Variants in NACC2 observed in about 807,000 individuals in gnomAD.
NACC2 encodes the protein NACC family member 2.
NACC2 carries 8 observed loss-of-function variants against 25.1 expected under a neutral mutation model. That is an observed-to-expected ratio of 0.32 (90% CI 0.19 to 0.57). The LOEUF (loss-of-function observed/expected upper bound fraction) is 0.57. Among genes scored for constraint, NACC2 ranks in the 20% least tolerant of loss-of-function variants. NACC2 has a pLI of 0.89. For synonymous variants in NACC2, 435 were observed against 294.7 expected (o/e 1.48, Z -4.88); for missense variants, 644 against 650.2 (o/e 0.99, Z 0.10).
intron 1 of NACC2, among the ~76,000 whole-genome samples, chr9:136,058,114 C>G (rs1307368799): frequency 6.6e-6 from 1 of 151,940 alleles, no homozygotes; most frequent in African/African-American, 2.4e-5. Context: ...GCGGGGGGGG[C>G]CCAATGACGC....
At chr9:136,017,926 A>G (rs1382934143) in intron 2 of NACC2, among the ~76,000 whole-genome samples, 2 of 152,160 alleles carry the variant, frequency 1.3e-5, no homozygotes, top group Non-Finnish European at 2.9e-5. Flanking sequence ...CAGGTGGGAG[A>G]GGCCCTTGGG....
intron 1 of NACC2, among the ~76,000 whole-genome samples, chr9:136,075,989 C>G (rs1007636875): frequency 3.3e-5 from 5 of 152,286 alleles, no homozygotes; most frequent in African/African-American, 1.2e-4. Context: ...GACAAAACTC[C>G]GAGACACCCG....
At chr9:136,069,582 A>AC (rs1841127308) in intron 1 of NACC2, among the ~76,000 whole-genome samples, 1 of 151,244 alleles carries the variant, frequency 6.6e-6, no homozygotes, top group Non-Finnish European at 1.5e-5. Context: ...ACAAAACAAA[A>AC]AAAACACCTC....
intron 1 of NACC2, among the ~76,000 whole-genome samples, chr9:136,060,696 G>A (rs1394893840): frequency 6.6e-6 from 1 of 152,244 alleles, no homozygotes; most frequent in Non-Finnish European, 1.5e-5. Flanking sequence ...GCTGCAGGAC[G>A]CTCCCAGGTG....
rs1448991584 is a variant in NACC2 at position 136,013,916 on chromosome 9, C to G, written c.1105G>C (p.Gly369Arg). 1.2e-6 allele frequency: 2 copies of G among 1,612,824 alleles called. No individual in the cohort carries two copies. The highest frequency in any genetic ancestry group is 8.5e-7 in the Non-Finnish European group (1 of 1,179,986). Residue 369 changes from glycine (G) to arginine (R), a missense_variant, in exon 4 of 6, where the codon GGG becomes CGG. By Grantham distance (125) the Gly-to-Arg change is moderately radical. Transcript: ENST00000277554. The surrounding 1 kb of genome is among the most constrained non-coding windows in gnomAD (Gnocchi z 6.6). ...GQLMNCHLCAGVKHKVLLRRL... is the reference protein window; with the variant it reads ...GQLMNCHLCARVKHKVLLRRL... Reference sequence around the variant, plus strand: ...CGCAGCAAGACCTTATGCTTCACCCCTGCACACAGGTGGCAGTTCATCAGC... The same window carrying G: ...CGCAGCAAGACCTTATGCTTCACCCGTGCACACAGGTGGCAGTTCATCAGC...
chr9:136,094,679 G>A (rs1830469089), intron 1 of NACC2, among the ~76,000 whole-genome samples: 1 of 152,108 alleles, frequency 6.6e-6, no homozygotes, highest in South Asian at 2.1e-4. Flanking sequence ...CACCTGGACC[G>A]GGAGGGCGAG....
At chr9:136,037,949 T>C (rs1432500737) in intron 2 of NACC2, among the ~76,000 whole-genome samples, 1 of 152,184 alleles carries the variant, frequency 6.6e-6, no homozygotes, top group Non-Finnish European at 1.5e-5. Context: ...CCTAATGTCC[T>C]TTAACCAGTG....
intron 3 of NACC2, 125 bp from the exon 4 acceptor site, chr9:136,014,094 CT>C (rs1469562869): frequency 5.7e-6 from 4 of 697,884 alleles, no homozygotes; most frequent in Non-Finnish European, 7.0e-6. Flanking sequence ...GCTTCTAGGA[CT>C]TTTTTTGGGG....
In NACC2 at chr9:136,049,856, G is replaced by A. The variant is rs773929338; in HGVS notation, c.666C>T (p.Ser222=). The A allele has an allele frequency of 3.0e-6, 2 of 668,436 alleles. No homozygotes were observed. The highest frequency in any genetic ancestry group is 2.8e-6 in the Non-Finnish European group (1 of 359,958). 41.4% of individuals were successfully genotyped at this position (668,436 alleles called of 1,614,324 possible). A position where few individuals can be genotyped will look rare whatever the true frequency, so the allele number is the denominator to read the frequency against. ...TGGCCAGGCTGGGCACCCCGTAGTA[G>A]GAGACACGGGGCAGTTTGAGAGGGG... The part of the protein sequence containing the change: ...GTAPLKLPRV[S]YYGVPSLATL... Residue 222 remains serine, a synonymous_variant, in exon 2 of 6, where the codon TCC becomes TCT. Coordinates refer to ENST00000277554, the MANE Select transcript of NACC2 (RefSeq NM_144653.5).
At chr9:136,077,569 A>T (rs1830275984) in intron 1 of NACC2, among the ~76,000 whole-genome samples, 1 of 152,192 alleles carries the variant, frequency 6.6e-6, no homozygotes, top group Non-Finnish European at 1.5e-5. Context: ...AATTCTACAA[A>T]TTCTACAAAT....
chr9:136,051,175 G>A (rs1306082178), intron 1 of NACC2, among the ~76,000 whole-genome samples: 1 of 152,310 alleles, frequency 6.6e-6, no homozygotes, highest in Non-Finnish European at 1.5e-5. Flanking sequence ...GGGCAGGTAG[G>A]GAATGGCTGG....
At chr9:136,066,611 T>C (rs1841084595) in intron 1 of NACC2, among the ~76,000 whole-genome samples, 1 of 152,220 alleles carries the variant, frequency 6.6e-6, no homozygotes, top group African/African-American at 2.4e-5. Flanking sequence ...AATTCCTACA[T>C]GACCCAGCAA....
In NACC2 at chr9:136,007,455, GCACACAGACGCACACA is replaced by G. The variant is rs1454246620; in HGVS notation, c.*4045_*4060del. On this transcript the variant is annotated 3_prime_UTR_variant, in exon 6 of 6. Coordinates refer to ENST00000277554, the MANE Select transcript of NACC2 (RefSeq NM_144653.5). ...TACACACAGACGCGCACACACACGCGCACACAGACGCACACACACAGACGCACACACGCACAGACAC... is the reference window on the plus strand; with the variant it reads ...TACACACAGACGCGCACACACACGCGCACAGACGCACACACGCACAGACAC... The G allele has an allele frequency of 2.6e-3, 394 of 150,172 alleles. 1 individual carries two copies. The highest frequency in any genetic ancestry group is 4.4e-3 in the Non-Finnish European group (294 of 67,214). The allele number at this position is 150,172 out of a possible 1,614,324, so 9.3% of individuals were successfully genotyped here. A position where few individuals can be genotyped will look rare whatever the true frequency, so the allele number is the denominator to read the frequency against.
intron 2 of NACC2, among the ~76,000 whole-genome samples, chr9:136,043,886 C>T (rs1465456418): frequency 8.5e-5 from 13 of 152,096 alleles, no homozygotes; most frequent in Non-Finnish European, 1.3e-4. Flanking sequence ...AGTGCAGTGG[C>T]GCAATCTCAG....
intron 1 of NACC2, among the ~76,000 whole-genome samples, chr9:136,078,811 G>A (rs1588582505): frequency 2.0e-5 from 3 of 152,330 alleles, no homozygotes; most frequent in African/African-American, 4.8e-5. Flanking sequence ...CACCCCCAGC[G>A]TGGTCCCCTC....
chr9:136,095,267 T>C lies in NACC2; in HGVS notation c.-138A>G, dbSNP rs966300615. On this transcript the variant is annotated 5_prime_UTR_variant, in exon 1 of 6. Transcript: ENST00000277554. ...CAGGAAGTGCTTGGCGTCCCGGCGC[T>C]CCGGCTCCCATGGACTTTCTCCGAC... 6.8e-6 allele frequency: 1 copy of C among 146,784 alleles called. No individual in the cohort carries two copies. The highest frequency in any genetic ancestry group is 1.5e-5 in the Non-Finnish European group (1 of 66,050). 9.1% of individuals were successfully genotyped at this position (146,784 alleles called of 1,614,324 possible).
chr9:136,069,644 T>G (rs1266636628), intron 1 of NACC2, among the ~76,000 whole-genome samples: 2 of 151,812 alleles, frequency 1.3e-5, no homozygotes, highest in Non-Finnish European at 2.9e-5. Context: ...TAGAAAAAGA[T>G]AAATTATGCA....
In NACC2 at chr9:136,050,161, A is replaced by G; in HGVS notation, c.361T>C (p.Phe121Leu). The G allele has an allele frequency of 2.6e-6, 2 of 770,150 alleles. No homozygotes were observed. Among genetic ancestry groups the G allele is most frequent in the South Asian group, 2.7e-5 (2 of 73,434 alleles). The allele number at this position is 770,150 out of a possible 1,614,324, so 47.7% of individuals were successfully genotyped here. ...TCGCAGTGGGGCGAGCTCACCTTGA[A>G]CATGAGGTCGGTGCCGCGCTCCACG... ...HIVERGTDLM[F>L]KVSSPHCDSQ... Residue 121 changes from phenylalanine (F) to leucine (L), a missense_variant, in exon 2 of 6, where the codon TTC becomes CTC. Coordinates refer to ENST00000277554, the MANE Select transcript of NACC2 (RefSeq NM_144653.5).
At chr9:136,094,519 G>A (rs1043249439) in intron 1 of NACC2, among the ~76,000 whole-genome samples, 2 of 152,114 alleles carry the variant, frequency 1.3e-5, no homozygotes, top group African/African-American at 2.4e-5. Flanking sequence ...CTTAGAGAAG[G>A]AGCTGGGGCC....
Sources: allele counts gnomAD v4.1 joint callset (sites outside exome capture counted in the v4.1 genomes callset), GRCh38; gene constraint gnomAD v4.1.1; non-coding constraint Gnocchi (gnomAD v3.1); transcripts MANE v1.5; gene names NCBI Gene and HGNC (gene_info 2026-07-23, HGNC 2026-07-21).